The following TBC1D21 variants were observed in gnomAD, a reference collection of about 807,000 sequenced individuals.
TBC1D21 encodes TBC1 domain family member 21.
A neutral mutation model predicts 46.0 loss-of-function variants in TBC1D21; 38 were observed. The ratio of observed to expected loss-of-function variants is 0.83; its 90% CI spans 0.64 to 1.08. The LOEUF (loss-of-function observed/expected upper bound fraction) is 1.08, where lower values mean the gene tolerates loss of function less well. Among genes scored for constraint, TBC1D21 ranks in the 50% least tolerant of loss-of-function variants. The pLI, the probability that TBC1D21 is intolerant of heterozygous loss-of-function variation, is 0.00. For missense variants in TBC1D21, 415 were observed against 417.9 expected (o/e 0.99, Z 0.06); for synonymous variants, 151 against 157.2 (o/e 0.96, Z 0.29).
chr15:73,887,737 G>T lies in TBC1D21; in HGVS notation c.894+1G>T. 6.2e-7 allele frequency: 1 copy of T among 1,612,718 alleles called. No individual in the cohort carries two copies. Among genetic ancestry groups the T allele is most frequent in the Non-Finnish European group, 8.5e-7 (1 of 1,179,342 alleles). Reference sequence around the variant, plus strand: ...CATGGGCGGGGATGACATCCTCCTGGTGAGAGCACCCTCGGGCAAGCTACC... The same window carrying T: ...CATGGGCGGGGATGACATCCTCCTGTTGAGAGCACCCTCGGGCAAGCTACC... On this transcript the variant is annotated splice_donor_variant, in intron 9 of 10. Coordinates refer to ENST00000300504, the MANE Select transcript of TBC1D21 (RefSeq NM_153356.3). LOFTEE classifies it high-confidence loss of function.
chr15:73,888,318 C>A, intron 9 of TBC1D21, 112 bp from the exon 10 acceptor site: 1 of 859,812 alleles, frequency 1.2e-6, no homozygotes, highest in Non-Finnish European at 1.9e-6. Flanking sequence ...CCAGCGACTG[C>A]TGTGAGCAGC....
the TBC1D21 span, among the ~76,000 whole-genome samples, chr15:73,899,518 T>G: frequency 6.6e-6 from 1 of 151,868 alleles, no homozygotes; most frequent in African/African-American, 2.4e-5. Flanking sequence ...AAAGTTAACA[T>G]TTAGATAGTG....
chr15:73,876,542 C>T (rs1027151242), intron 1 of TBC1D21, among the ~76,000 whole-genome samples: 1 of 151,930 alleles, frequency 6.6e-6, no homozygotes, highest in Admixed American at 6.5e-5. Flanking sequence ...CGCGCCCGGC[C>T]GAAGCAGTGA....
At chr15:73,891,015 C>A (rs958187554), downstream of TBC1D21, among the ~76,000 whole-genome samples, 1 of 152,214 alleles carries the variant, frequency 6.6e-6, no homozygotes, top group African/African-American at 2.4e-5. Flanking sequence ...GATCCAGATT[C>A]AGATAAATCC....
At chr15:73,890,272 C>T (rs543528639), downstream of TBC1D21, among the ~76,000 whole-genome samples, 17 of 152,254 alleles carry the variant, frequency 1.1e-4, no homozygotes, top group South Asian at 2.1e-4. Flanking sequence ...TCCCCTCAGG[C>T]GACAGTCTCC....
the TBC1D21 span, among the ~76,000 whole-genome samples, chr15:73,906,834 C>T: frequency 5.9e-5 from 9 of 152,264 alleles, no homozygotes; most frequent in South Asian, 1.9e-3. Flanking sequence ...TACAGAGCTC[C>T]AGAACCCCCA....
chr15:73,883,639 C>T (rs2068192734), intron 3 of TBC1D21, among the ~76,000 whole-genome samples: 1 of 152,230 alleles, frequency 6.6e-6, no homozygotes, highest in Non-Finnish European at 1.5e-5. Context: ...CTCTTTTCCC[C>T]CACATGGTTA....
chr15:73,876,450 G>A (rs2068070701), intron 1 of TBC1D21, among the ~76,000 whole-genome samples: 1 of 134,868 alleles, frequency 7.4e-6, no homozygotes, highest in Non-Finnish European at 1.6e-5. Context: ...TCACCATGTT[G>A]GTCAGGATGG....
Position 73,881,637 on chromosome 15 carries a change from AC to A in TBC1D21, c.169-3del. The A allele has an allele frequency of 1.2e-6, 2 of 1,601,590 alleles. No individual in the cohort carries two copies. Among genetic ancestry groups the A allele is most frequent in the Non-Finnish European group, 8.5e-7 (1 of 1,174,208 alleles). ...CCCATGACCTCCACCTCCCACCCCC[AC>A]CCCAGGGTCTGCACCCCTTCGTGAG... On this transcript the variant is annotated splice_polypyrimidine_tract_variant and splice_region_variant and intron_variant, in intron 2 of 10. Transcript: ENST00000300504.
chr15:73,909,878 T>C, the TBC1D21 span: 1 of 152,224 alleles, frequency 6.6e-6, no homozygotes, highest in East Asian at 1.9e-4. Context: ...AACAAGAACC[T>C]GGTGGGGCTG....
chr15:73,884,107 A>T, intron 3 of TBC1D21, 44 bp from the exon 4 acceptor site: 1 of 1,407,162 alleles, frequency 7.1e-7, no homozygotes, highest in South Asian at 1.2e-5. Context: ...CACTTATCAG[A>T]AGGGGAAAAG....
chr15:73,882,156 C>T (rs940740063), intron 3 of TBC1D21, among the ~76,000 whole-genome samples: 2 of 152,182 alleles, frequency 1.3e-5, no homozygotes, highest in African/African-American at 2.4e-5. Context: ...TCCCCACTCC[C>T]TGCCTGTGCC....
rs777240872 is a variant in TBC1D21, at chr15:73,887,718, C to T, written c.876C>T (p.Gly292=). The change falls in exon 9 of 11, where the codon GGC becomes GGT. Residue 292 remains glycine (G), a synonymous_variant. Coordinates refer to ENST00000300504, the MANE Select transcript of TBC1D21 (RefSeq NM_153356.3). The stretch of plus-strand genomic sequence containing the variant: ...AGCAGGTGCTGCAGGAAAGCATGGG[C>T]GGGGATGACATCCTCCTGGTGAGAG... ...VREQVLQESM[G]GDDILLACNN... is the part of the protein sequence containing the mutation. 3.0e-5 allele frequency: 49 copies of T among 1,613,472 alleles called. No homozygotes were observed. The highest frequency in any genetic ancestry group is 1.7e-4 in the Middle Eastern group (1 of 6,048).
intron 1 of TBC1D21, 103 bp downstream of exon 1, chr15:73,873,872 A>ACAT (rs1368178009): frequency 7.3e-7 from 1 of 1,368,884 alleles, no homozygotes; most frequent in Admixed American, 2.0e-5. Flanking sequence ...CCCTGAGCTA[A>ACAT]CATAGAAGGT....
At chr15:73,884,972 C>T (rs781509431) in intron 5 of TBC1D21, 31 bp from the exon 6 acceptor site, 6 of 1,580,608 alleles carry the variant, frequency 3.8e-6, no homozygotes, top group Non-Finnish European at 5.2e-6. Flanking sequence ...TCCCACCCAG[C>T]CCCTCCTCCC....
At chr15:73,904,194 C>G in the TBC1D21 span, among the ~76,000 whole-genome samples, 297 of 152,316 alleles carry the variant, frequency 1.9e-3, 1 homozygote, top group African/African-American at 7.0e-3. Context: ...AAGGTGAGCA[C>G]TTCTATGAGT....
At chr15:73,892,360 G>T (rs1206414537), downstream of TBC1D21, among the ~76,000 whole-genome samples, 1 of 152,208 alleles carries the variant, frequency 6.6e-6, no homozygotes, top group Non-Finnish European at 1.5e-5. Context: ...CCCCTTGCTT[G>T]CCATGTTGCA....
chr15:73,904,849 C>A, the TBC1D21 span, among the ~76,000 whole-genome samples: 3 of 151,966 alleles, frequency 2.0e-5, no homozygotes, highest in South Asian at 6.2e-4. Flanking sequence ...GAGACACAGA[C>A]AAAACAAAAC....
intron 3 of TBC1D21, among the ~76,000 whole-genome samples, chr15:73,883,546 C>A (rs2068191024): frequency 6.6e-6 from 1 of 152,178 alleles, no homozygotes. Flanking sequence ...GTTATAAGAA[C>A]ACATGTCATT....
Sources: gnomAD v4.1 joint callset for allele counts (sites outside exome capture counted in the v4.1 genomes callset) on GRCh38, gnomAD v4.1.1 for gene constraint, MANE v1.5 for transcripts, NCBI Gene and HGNC (gene_info 2026-07-23, HGNC 2026-07-21) for gene names.